The following TEAD1 variants were observed in gnomAD, a reference collection of about 807,000 sequenced individuals.
The protein encoded by TEAD1 is TEA domain transcription factor 1.
In TEAD1, 9 loss-of-function variants were observed where a neutral mutation model predicts 54.9. That is an observed-to-expected ratio of 0.16 (90% CI 0.10 to 0.29). The LOEUF is 0.29. TEAD1 is among the 10% of genes least tolerant of loss of function. TEAD1 has a pLI of 1.00. For synonymous variants in TEAD1, 200 were observed against 187.8 expected (o/e 1.07, Z -0.53); for missense variants, 387 against 535.9 (o/e 0.72, Z 2.74).
chr11:12,814,871 C>CTGTG (rs1007709404), intron 3 of TEAD1, among the ~76,000 whole-genome samples: 1 of 133,586 alleles, frequency 7.5e-6, no homozygotes, highest in African/African-American at 2.9e-5. Context: ...GTGTGTGTGT[C>CTGTG]TGTGTGTGTG....
intron 3 of TEAD1, among the ~76,000 whole-genome samples, chr11:12,785,596 T>G (rs1945661382): frequency 6.6e-6 from 1 of 152,234 alleles, no homozygotes; most frequent in Non-Finnish European, 1.5e-5. Flanking sequence ...TTGGCTCAAT[T>G]CTTATTCCTA....
At chr11:12,888,154 T>C (rs1275771896) in intron 9 of TEAD1, among the ~76,000 whole-genome samples, 1 of 152,204 alleles carries the variant, frequency 6.6e-6, no homozygotes, top group East Asian at 1.9e-4. Context: ...GGAGAGATGC[T>C]GCCTTACAGT....
At chr11:12,846,414 A>G (rs1947153672) in intron 3 of TEAD1, among the ~76,000 whole-genome samples, 1 of 152,180 alleles carries the variant, frequency 6.6e-6, no homozygotes, top group African/African-American at 2.4e-5. Context: ...CCTTCTATCC[A>G]CACAAGGGTT....
In TEAD1 at chr11:12,738,784, C is replaced by T. The variant is rs143876211; in HGVS notation, c.-54-25395C>T. Among the ~76,000 whole-genome samples, 627 of 152,214 alleles carry T rather than the reference C, an allele frequency of 4.1e-3. 4 individuals carry two copies. Among genetic ancestry groups the T allele is most frequent in the African/African-American group, 0.015 (605 of 41,530 alleles). ...TGAAAATCAGAGCAGTATTCCAGCCCCTCCCTTTTCATCAGTTAATTAATT... is the reference window on the plus strand; with the variant it reads ...TGAAAATCAGAGCAGTATTCCAGCCTCTCCCTTTTCATCAGTTAATTAATT... On this transcript the variant is annotated intron_variant, in intron 2 of 12. Transcript: ENST00000527636.
chr11:12,814,711 A>C (rs1230441193), intron 3 of TEAD1, among the ~76,000 whole-genome samples: 1 of 152,128 alleles, frequency 6.6e-6, no homozygotes, highest in East Asian at 1.9e-4. Flanking sequence ...GAAGCTTGTC[A>C]CACCGTAAGC....
intron 2 of TEAD1, among the ~76,000 whole-genome samples, chr11:12,762,126 C>G (rs1945114673): frequency 6.6e-6 from 1 of 152,168 alleles, no homozygotes; most frequent in South Asian, 2.1e-4. Flanking sequence ...AGTGTGGCTC[C>G]TCGGAGTAAA....
At chr11:12,844,947 C>CGTGTATGA (rs1407307854) in intron 3 of TEAD1, among the ~76,000 whole-genome samples, 1 of 136,228 alleles carries the variant, frequency 7.3e-6, no homozygotes, top group African/African-American at 2.7e-5. Flanking sequence ...CCCTGATTGA[C>CGTGTATGA]GTGTATGAAA....
At chr11:12,833,137 C>T (rs1946815933) in intron 3 of TEAD1, among the ~76,000 whole-genome samples, 2 of 152,144 alleles carry the variant, frequency 1.3e-5, no homozygotes, top group African/African-American at 4.8e-5. Flanking sequence ...ATTAATTGGT[C>T]CCTTGTGTCC....
Position 12,778,304 on chromosome 11 carries a change from A to G in TEAD1, c.202+13870A>G, listed in dbSNP as rs1038121446. 1.3e-4 allele frequency among the ~76,000 whole-genome samples: 20 copies of G among 152,236 alleles called. No homozygotes were observed. In the East Asian group the frequency reaches 3.7e-3, roughly 28 times the overall value. On this transcript the variant is annotated intron_variant, in intron 3 of 12. Transcript: ENST00000527636. ...TACTGCTGCCTGGCTAGGGTGGAAGAGAGTTTTGGTTCCAGGTAAACAATA... is the reference window on the plus strand; with the variant it reads ...TACTGCTGCCTGGCTAGGGTGGAAGGGAGTTTTGGTTCCAGGTAAACAATA...
chr11:12,876,043 G>A (rs1947848338), intron 5 of TEAD1, among the ~76,000 whole-genome samples: 2 of 152,112 alleles, frequency 1.3e-5, no homozygotes, highest in Admixed American at 6.5e-5. Flanking sequence ...ACACCCCAGT[G>A]GGTACACCTT....
At chr11:12,831,817 A>G (rs1348580470) in intron 3 of TEAD1, among the ~76,000 whole-genome samples, 1 of 151,906 alleles carries the variant, frequency 6.6e-6, no homozygotes, top group African/African-American at 2.4e-5. Context: ...CAGTTTGCCT[A>G]TAATATTTAT....
chr11:12,887,232 G>A (rs906288298), intron 9 of TEAD1, among the ~76,000 whole-genome samples: 18 of 151,944 alleles, frequency 1.2e-4, no homozygotes, highest in African/African-American at 4.4e-4. Flanking sequence ...AAGTAGCTGG[G>A]ACTACAGGCA....
In TEAD1 at chr11:12,926,333, A is replaced by C. The variant is rs765054928; in HGVS notation, c.1014+1281A>C. On this transcript the variant is annotated intron_variant, in intron 11 of 12. Coordinates refer to ENST00000527636, the MANE Select transcript of TEAD1 (RefSeq NM_021961.6). ...GTTGTTGAGGAAAGGTTATGCTGGC[A>C]GAAGAGGATCCAGGGGAGTTGACTC... Among the ~76,000 whole-genome samples, 38 of 152,204 alleles carry C rather than the reference A, an allele frequency of 2.5e-4. 1 individual carries two copies. Among genetic ancestry groups the C allele is most frequent in the Non-Finnish European group, 2.9e-5 (2 of 68,036 alleles).
At chr11:12,865,081 A>T in intron 5 of TEAD1, 181 bp downstream of exon 5, 1 of 728,294 alleles carries the variant, frequency 1.4e-6, no homozygotes, top group Non-Finnish European at 2.4e-6. Context: ...ATTAAACTCA[A>T]TGTGTGTGAG....
chr11:12,850,382 G>A (rs930754304), intron 3 of TEAD1, among the ~76,000 whole-genome samples: 3 of 152,214 alleles, frequency 2.0e-5, no homozygotes, highest in South Asian at 2.1e-4. Context: ...GCTGCAGTGA[G>A]CCAAGGTCGT....
intron 5 of TEAD1, among the ~76,000 whole-genome samples, chr11:12,875,457 G>T (rs1227404875): frequency 6.6e-6 from 1 of 152,168 alleles, no homozygotes; most frequent in Non-Finnish European, 1.5e-5. Flanking sequence ...GGATAAGTGG[G>T]TCTGTAGGCA....
intron 2 of TEAD1, among the ~76,000 whole-genome samples, chr11:12,692,909 C>T (rs1324734698): frequency 6.6e-6 from 1 of 152,236 alleles, no homozygotes; most frequent in Non-Finnish European, 1.5e-5. Flanking sequence ...CACCCCCACC[C>T]CACAGAACAG....
chr11:12,908,591 T>C (rs1948559207), intron 10 of TEAD1, among the ~76,000 whole-genome samples: 1 of 152,190 alleles, frequency 6.6e-6, no homozygotes, highest in African/African-American at 2.4e-5. Context: ...GAATAAACTA[T>C]TACCAGGAAA....
intron 3 of TEAD1, among the ~76,000 whole-genome samples, chr11:12,847,172 G>T (rs1051790230): frequency 6.6e-6 from 1 of 152,150 alleles, no homozygotes; most frequent in African/African-American, 2.4e-5. Context: ...CATATATTCA[G>T]ATATTTTTTC....
Sources: allele counts gnomAD v4.1 joint callset (sites outside exome capture counted in the v4.1 genomes callset), GRCh38; gene constraint gnomAD v4.1.1; transcripts MANE v1.5; gene names NCBI Gene and HGNC (gene_info 2026-07-23, HGNC 2026-07-21).